MED13L: variants seen among roughly 807,000 people sequenced by gnomAD.
The protein encoded by MED13L is mediator complex subunit 13L.
MED13L carries 7 observed loss-of-function variants against 220.9 expected under a neutral mutation model. That is an observed-to-expected ratio of 0.03 (90% CI 0.02 to 0.06). MED13L has a LOEUF of 0.06. Among genes scored for constraint, MED13L ranks in the 10% least tolerant of loss-of-function variants. MED13L has a pLI of 1.00. For synonymous variants in MED13L, 1,011 were observed against 1,015.2 expected (o/e 1.00, Z 0.08); for missense variants, 1,965 against 2,760.5 (o/e 0.71, Z 6.46).
At chr12:116,129,486 C>T (rs185887093) in intron 2 of MED13L, among the ~76,000 whole-genome samples, 6 of 152,218 alleles carry the variant, frequency 3.9e-5, no homozygotes, top group Admixed American at 2.6e-4. Context: ...TGGAGGTGAA[C>T]GTAAATTAAA....
intron 2 of MED13L, among the ~76,000 whole-genome samples, chr12:116,228,438 T>G (rs754698607): frequency 2.2e-4 from 34 of 152,122 alleles, no homozygotes; most frequent in Non-Finnish European, 4.3e-4. Context: ...CACCTTAGCC[T>G]CCCAAGTAGT....
intron 2 of MED13L, among the ~76,000 whole-genome samples, chr12:116,112,885 C>T (rs935870723): frequency 4.6e-5 from 7 of 152,194 alleles, no homozygotes; most frequent in African/African-American, 1.7e-4. Flanking sequence ...GTTTTTATTT[C>T]CTACTGTGTT....
rs1879943545 is a variant in MED13L at position 116,019,771 on chromosome 12, C to A, written c.820+7G>T. 1.2e-6 allele frequency: 2 copies of A among 1,612,820 alleles called. No individual in the cohort carries two copies. Among genetic ancestry groups the A allele is most frequent in the East Asian group, 4.5e-5 (2 of 44,854 alleles). ...TAAAGTTCTTCAGGCAAAATATTTTCTCTTACCAACAATTACTTCAACTGC... is the reference window on the plus strand; with the variant it reads ...TAAAGTTCTTCAGGCAAAATATTTTATCTTACCAACAATTACTTCAACTGC... On this transcript the variant is annotated splice_region_variant and intron_variant, in intron 6 of 30. Coordinates refer to ENST00000281928, the MANE Select transcript of MED13L (RefSeq NM_015335.5).
intron 4 of MED13L, among the ~76,000 whole-genome samples, chr12:116,027,907 T>A (rs966078185): frequency 6.6e-6 from 1 of 152,198 alleles, no homozygotes; most frequent in African/African-American, 2.4e-5. Flanking sequence ...TCAAAAAGAT[T>A]ATGTCAAATG....
intron 4 of MED13L, among the ~76,000 whole-genome samples, chr12:116,048,162 T>C (rs1881951430): frequency 6.6e-6 from 1 of 151,922 alleles, no homozygotes; most frequent in South Asian, 2.1e-4. Context: ...GAACTAAAAT[T>C]TGAAAAAGAA....
intron 2 of MED13L, among the ~76,000 whole-genome samples, chr12:116,158,609 TAA>T (rs897088605): frequency 1.5e-4 from 23 of 152,156 alleles, no homozygotes; most frequent in Admixed American, 1.5e-3. Context: ...GATTATATTA[TAA>T]AAGATTTAGT....
intron 4 of MED13L, among the ~76,000 whole-genome samples, chr12:116,027,756 T>C (rs1880490804): frequency 6.6e-6 from 1 of 152,190 alleles, no homozygotes; most frequent in Non-Finnish European, 1.5e-5. Context: ...AAGCCATCAA[T>C]ATCTTTATCC....
chr12:116,210,551 C>CTATATATATATATATATATA (rs3043762), intron 2 of MED13L, among the ~76,000 whole-genome samples: 152 of 113,604 alleles, frequency 1.3e-3, no homozygotes, highest in African/African-American at 2.4e-3. Flanking sequence ...AGAACGTAAC[C>CTATATATATATATATATATA]TATATATATA....
At chr12:116,049,047 A>G (rs3214009) in intron 4 of MED13L, among the ~76,000 whole-genome samples, 22,572 of 152,144 alleles carry the variant, frequency 0.15, 1,886 homozygotes, top group Middle Eastern at 0.21. Context: ...AAAGTCTCTG[A>G]TTTTCATACA....
intron 17 of MED13L, among the ~76,000 whole-genome samples, chr12:115,989,174 C>CT (rs1172940626): frequency 1.3e-5 from 2 of 152,196 alleles, no homozygotes; most frequent in African/African-American, 4.8e-5. Context: ...CCCTGCAAGA[C>CT]TGAGAGTTGT....
At chr12:116,063,818 T>C (rs1869704823) in intron 4 of MED13L, among the ~76,000 whole-genome samples, 1 of 152,136 alleles carries the variant, frequency 6.6e-6, no homozygotes, top group Non-Finnish European at 1.5e-5. Flanking sequence ...GTCATCCCAC[T>C]GTACCTACGG....
At chr12:116,274,613 C>CA (rs5801172) in intron 1 of MED13L, among the ~76,000 whole-genome samples, 33,792 of 143,882 alleles carry the variant, frequency 0.23, 4,200 homozygotes, top group East Asian at 0.38. Context: ...ATAGCATTTT[C>CA]AAAAAAAAAA....
chr12:115,984,458 T>A, intron 19 of MED13L, 86 bp from the exon 20 acceptor site: 1 of 1,425,650 alleles, frequency 7.0e-7, no homozygotes, highest in Non-Finnish European at 9.7e-7. Context: ...TTCTTTAACA[T>A]ACATATGGAA....
chr12:116,276,515 G>A, intron 1 of MED13L: 1 of 1,284,072 alleles, frequency 7.8e-7, no homozygotes, highest in Non-Finnish European at 1.0e-6. Context: ...TTACAATCGC[G>A]GGAGCTTCGG....
intron 2 of MED13L, among the ~76,000 whole-genome samples, chr12:116,111,761 A>G (rs1430192137): frequency 6.6e-6 from 1 of 152,200 alleles, no homozygotes; most frequent in Non-Finnish European, 1.5e-5. Context: ...CACTCCTCCC[A>G]TAAATGTCTT....
intron 2 of MED13L, among the ~76,000 whole-genome samples, chr12:116,158,253 G>A (rs965631378): frequency 2.6e-5 from 4 of 152,034 alleles, no homozygotes; most frequent in African/African-American, 9.7e-5. Flanking sequence ...GACTTCAACT[G>A]GGAATGAAGG....
intron 4 of MED13L, among the ~76,000 whole-genome samples, chr12:116,094,996 T>C (rs534990513): frequency 2.3e-4 from 35 of 152,152 alleles, no homozygotes; most frequent in African/African-American, 7.2e-4. Flanking sequence ...ACCCTGTCTT[T>C]ACAAAAAATT....
chr12:116,088,060 AG>A (rs1283732287), intron 4 of MED13L, among the ~76,000 whole-genome samples: 3 of 152,178 alleles, frequency 2.0e-5, no homozygotes, highest in Non-Finnish European at 4.4e-5. Context: ...TACCAAATGC[AG>A]GAAGATCCTG....
At chr12:116,209,263 T>C (rs1882546289) in intron 2 of MED13L, among the ~76,000 whole-genome samples, 2 of 152,208 alleles carry the variant, frequency 1.3e-5, no homozygotes, top group Non-Finnish European at 2.9e-5. Flanking sequence ...TAGAGACAGC[T>C]AGCTATGACG....
Sources: gnomAD v4.1 joint callset for allele counts (sites outside exome capture counted in the v4.1 genomes callset) on GRCh38, gnomAD v4.1.1 for gene constraint, MANE v1.5 for transcripts, NCBI Gene and HGNC (gene_info 2026-07-23, HGNC 2026-07-21) for gene names.